The following AATF variants were observed in gnomAD, a reference collection of about 807,000 sequenced individuals.
AATF encodes the protein protein AATF.
In AATF, 48 loss-of-function variants were observed where a neutral mutation model predicts 63.7. The ratio of observed to expected loss-of-function variants is 0.75; its 90% CI spans 0.60 to 0.96. AATF has a LOEUF of 0.96. Among genes scored for constraint, AATF ranks in the 40% least tolerant of loss-of-function variants. The pLI, the probability that AATF is intolerant of heterozygous loss-of-function variation, is 0.00. For synonymous variants in AATF, 258 were observed against 247.7 expected (o/e 1.04, Z -0.39); for missense variants, 639 against 685.7 (o/e 0.93, Z 0.76).
intron 11 of AATF, among the ~76,000 whole-genome samples, chr17:37,050,136 G>A (rs1280582723): frequency 6.6e-6 from 1 of 152,022 alleles, no homozygotes; most frequent in Non-Finnish European, 1.5e-5. Flanking sequence ...GGGAATAGTA[G>A]TCAGCCTTAC....
At chr17:36,993,818 T>A (rs2071233744) in intron 8 of AATF, among the ~76,000 whole-genome samples, 1 of 152,212 alleles carries the variant, frequency 6.6e-6, no homozygotes, top group Admixed American at 6.5e-5. Context: ...AAAGGCTTAC[T>A]TGGTTAATTC....
At chr17:37,023,152 T>G (rs576624894) in intron 10 of AATF, among the ~76,000 whole-genome samples, 1 of 152,212 alleles carries the variant, frequency 6.6e-6, no homozygotes, top group Admixed American at 6.5e-5. Context: ...TCTGGTGATA[T>G]GATTTTGGTT....
intron 4 of AATF, among the ~76,000 whole-genome samples, chr17:36,976,396 C>T (rs887721926): frequency 2.0e-5 from 3 of 152,112 alleles, no homozygotes; most frequent in Admixed American, 6.5e-5. Flanking sequence ...CAGGTCCTTA[C>T]TGAGTATTAA....
Position 36,971,728 on chromosome 17 carries a change from A to G in AATF, c.833-14889A>G, listed in dbSNP as rs571468896. 2.6e-5 allele frequency among the ~76,000 whole-genome samples: 4 copies of G among 152,362 alleles called. No individual in the cohort carries two copies. In the South Asian group the frequency reaches 8.3e-4, roughly 32 times the overall value. ...ACATTAGTCAGCAATAAAAAGGAATAAACTATTGATACATGCAAAAACGTG... is the reference window on the plus strand; with the variant it reads ...ACATTAGTCAGCAATAAAAAGGAATGAACTATTGATACATGCAAAAACGTG... On this transcript the variant is annotated intron_variant, in intron 4 of 11. Transcript: ENST00000619387.
intron 10 of AATF, among the ~76,000 whole-genome samples, chr17:37,024,024 T>C (rs1221977272): frequency 6.6e-6 from 1 of 152,146 alleles, no homozygotes; most frequent in African/African-American, 2.4e-5. Flanking sequence ...CTGTTTAGAA[T>C]AATAAGAAAA....
intron 11 of AATF, among the ~76,000 whole-genome samples, chr17:37,037,014 T>TG (rs2071598269): frequency 1.3e-5 from 2 of 151,166 alleles, no homozygotes; most frequent in South Asian, 2.1e-4. Flanking sequence ...CTTTTTGTTT[T>TG]TTTTTTTTTT....
intron 11 of AATF, chr17:37,045,563 C>T (rs2071682643): frequency 6.6e-6 from 1 of 152,246 alleles, no homozygotes; most frequent in Non-Finnish European, 1.5e-5. Context: ...AATTGTTCTT[C>T]AATGCTTTGT....
chr17:36,983,420 T>A (rs1328750012), intron 4 of AATF, among the ~76,000 whole-genome samples: 1 of 152,166 alleles, frequency 6.6e-6, no homozygotes. Context: ...CAGTCTTGGC[T>A]CACTGCAACC....
chr17:36,980,091 G>A (rs1229081701), intron 4 of AATF: 3 of 152,020 alleles, frequency 2.0e-5, no homozygotes, highest in Admixed American at 2.0e-4. Context: ...TAATAACACA[G>A]TTACTATTTT....
chr17:36,949,106 T>C lies in AATF; in HGVS notation c.-20T>C. 6.4e-7 allele frequency: 1 copy of C among 1,559,850 alleles called. No homozygotes were observed. The highest frequency in any genetic ancestry group is 1.2e-5 in the South Asian group (1 of 84,852). On this transcript the variant is annotated 5_prime_UTR_variant, in exon 1 of 12. Transcript: ENST00000619387. ...GCACATTTACGTGCGCGAAGCGGAG[T>C]GGACCGGGAGCTGGTGACGATGGCG...
chr17:37,011,941 T>C (rs1331328884), intron 8 of AATF, among the ~76,000 whole-genome samples: 1 of 152,218 alleles, frequency 6.6e-6, no homozygotes, highest in Non-Finnish European at 1.5e-5. Context: ...GCCAATTTTG[T>C]ATTATAGGAA....
chr17:37,008,476 C>T (rs1456065785), intron 8 of AATF, among the ~76,000 whole-genome samples: 1 of 152,134 alleles, frequency 6.6e-6, no homozygotes, highest in African/African-American at 2.4e-5. Context: ...AAAATTCATA[C>T]CTAGAAGCAT....
intron 4 of AATF, among the ~76,000 whole-genome samples, chr17:36,963,210 A>G (rs1179049588): frequency 6.6e-6 from 1 of 152,220 alleles, no homozygotes; most frequent in Non-Finnish European, 1.5e-5. Context: ...AGCGTAGGGT[A>G]TGCATGAGAT....
In AATF at chr17:37,045,288, C is replaced by T. The variant is rs187315071; in HGVS notation, c.1620-11313C>T. The stretch of plus-strand genomic sequence containing the variant: ...TTGACCCCCTGGGCACCTCCACTTA[C>T]GTGGTAAATAAGACTGAAGGCCTTT... On this transcript the variant is annotated intron_variant, in intron 11 of 11. Transcript: ENST00000619387. 1.1e-4 allele frequency among the ~76,000 whole-genome samples: 16 copies of T among 152,306 alleles called. No individual in the cohort carries two copies. In the East Asian group the frequency reaches 1.5e-3, roughly 15 times the overall value.
intron 2 of AATF, among the ~76,000 whole-genome samples, 159 bp downstream of exon 2, chr17:36,950,564 A>C (rs1229324316): frequency 1.3e-5 from 2 of 152,114 alleles, no homozygotes; most frequent in African/African-American, 4.8e-5. Flanking sequence ...TGATGGCGCC[A>C]TCTCGGCTCA....
At chr17:36,950,653 C>T (rs1027927271) in intron 2 of AATF, among the ~76,000 whole-genome samples, 4 of 152,184 alleles carry the variant, frequency 2.6e-5, no homozygotes, top group African/African-American at 4.8e-5. Context: ...GCATGCACCA[C>T]CACGCCCGGC....
At chr17:36,973,113 TTTC>T (rs2071052198) in intron 4 of AATF, among the ~76,000 whole-genome samples, 1 of 143,260 alleles carries the variant, frequency 7.0e-6, no homozygotes, top group South Asian at 2.1e-4. Context: ...TGCTTTTTCT[TTTC>T]TTCTTTCTTT....
intron 7 of AATF, 89 bp downstream of exon 7, chr17:36,989,500 TAA>T: frequency 7.6e-7 from 1 of 1,316,030 alleles, no homozygotes; most frequent in Non-Finnish European, 1.0e-6. Flanking sequence ...CCTGTTTATA[TAA>T]GAGGTTAGTG....
At chr17:37,051,695 CAG>C (rs199559046) in intron 11 of AATF, among the ~76,000 whole-genome samples, 3,518 of 140,006 alleles carry the variant, frequency 0.025, 84 homozygotes, top group African/African-American at 0.07. Context: ...GACAGACAGA[CAG>C]ACACACACAC....
Sources: gnomAD v4.1 joint callset for allele counts (sites outside exome capture counted in the v4.1 genomes callset) on GRCh38, gnomAD v4.1.1 for gene constraint, MANE v1.5 for transcripts, NCBI Gene and HGNC (gene_info 2026-07-23, HGNC 2026-07-21) for gene names.